Variants in AQP9 observed in about 807,000 individuals in gnomAD.
AQP9 encodes aquaporin-9.
Under a neutral mutation model 23.8 loss-of-function variants are expected in AQP9, and 19 were observed. The ratio of observed to expected loss-of-function variants is 0.80; its 90% CI spans 0.56 to 1.17. The LOEUF is 1.17. AQP9 is among the 50% of genes most tolerant of loss of function. AQP9 has a pLI of 0.00. For missense variants in AQP9, 413 were observed against 362.0 expected (o/e 1.14, Z -1.14); for synonymous variants, 153 against 131.5 (o/e 1.16, Z -1.12).
chr15:58,144,260 G>T (rs562488883), intron 1 of AQP9, among the ~76,000 whole-genome samples: 1 of 151,726 alleles, frequency 6.6e-6, no homozygotes, highest in Non-Finnish European at 1.5e-5. Flanking sequence ...TTAATATTTT[G>T]CTTTTCATAT....
rs1595744058 is a variant in AQP9 at position 58,174,783 on chromosome 15, G to A, written c.377-135G>A. 8 of 721,976 alleles carry A rather than the reference G, an allele frequency of 1.1e-5. No individual in the cohort carries two copies. In the East Asian group the frequency reaches 2.0e-4, roughly 18 times the overall value. 44.7% of individuals were successfully genotyped at this position (721,976 alleles called of 1,614,324 possible). ...GCATCTCTAAAACTATCATTCCTCG[G>A]AAGTAGAGAGAGACAAATGACATGG... On this transcript the variant is annotated intron_variant, in intron 3 of 5. Coordinates refer to ENST00000219919, the MANE Select transcript of AQP9 (RefSeq NM_020980.5).
chr15:58,178,934 T>G (rs1477163304), intron 4 of AQP9, among the ~76,000 whole-genome samples, 194 bp from the exon 5 acceptor site: 1 of 152,206 alleles, frequency 6.6e-6, no homozygotes, highest in Non-Finnish European at 1.5e-5. Context: ...TGGCTTCTCC[T>G]CTAGAATTGC....
At chr15:58,164,413 T>C (rs1013410943) in intron 1 of AQP9, among the ~76,000 whole-genome samples, 2 of 152,244 alleles carry the variant, frequency 1.3e-5, no homozygotes, top group Admixed American at 6.5e-5. Context: ...TTTTAGGAGA[T>C]ACTACTAAAA....
At chr15:58,165,618 T>A (rs1898482791) in intron 1 of AQP9, among the ~76,000 whole-genome samples, 1 of 152,058 alleles carries the variant, frequency 6.6e-6, no homozygotes, top group Non-Finnish European at 1.5e-5. Flanking sequence ...ACCTTGGGGG[T>A]CTTTCCACTT....
At chr15:58,159,649 C>T (rs183032499) in intron 1 of AQP9, among the ~76,000 whole-genome samples, 7 of 152,108 alleles carry the variant, frequency 4.6e-5, no homozygotes, top group Non-Finnish European at 8.8e-5. Context: ...ATTAATCAAC[C>T]TTTCTTCTTT....
intron 1 of AQP9, chr15:58,154,039 C>T (rs1898199622): frequency 6.6e-6 from 1 of 152,158 alleles, no homozygotes; most frequent in Admixed American, 6.5e-5. Flanking sequence ...GCCACTTCGC[C>T]TAAAACTCAC....
Position 58,184,446 on chromosome 15 carries a change from C to T in AQP9, c.*311C>T, listed in dbSNP as rs12899944. On this transcript the variant is annotated 3_prime_UTR_variant, in exon 6 of 6. Coordinates refer to ENST00000219919, the MANE Select transcript of AQP9 (RefSeq NM_020980.5). ...AAGCACTAATAACTCGGCATCTTGA[C>T]GATAGTCCCATTTGGGTGGTTTCAG... 7,738 of 245,098 alleles carry T rather than the reference C, an allele frequency of 0.032. 161 individuals are homozygous for T. The highest frequency in any genetic ancestry group is 0.044 in the Middle Eastern group (36 of 818). The allele number at this position is 245,098 out of a possible 1,614,324, so 15.2% of individuals were successfully genotyped here.
rs749847313 is a variant in AQP9, at chr15:58,184,128, T to C, written c.881T>C (p.Ile294Thr). ...CCAGAGAAATATGAACTCAGTGTCA[T>C]CATGTAGTGGCATGCTCAGCTCTGG... ...DKPEKYELSV[I>T]M The change falls in exon 6 of 6, where the codon ATC (isoleucine) becomes ACC (threonine). Residue 294 changes from isoleucine (I) to threonine (T), a missense_variant. By Grantham distance (89) the Ile-to-Thr change is moderately conservative (BLOSUM62 -1). Transcript: ENST00000219919. The C allele has an allele frequency of 2.1e-5, 34 of 1,613,880 alleles. No homozygotes were observed. The East Asian group carries it at 6.0e-4, about 29-fold the overall frequency.
rs1010150717 is a variant in AQP9 at position 58,184,673 on chromosome 15, A to G, written c.*538A>G. The G allele has an allele frequency of 7.9e-5, 12 of 152,390 alleles. No homozygotes were observed. Among genetic ancestry groups the G allele is most frequent in the African/African-American group, 2.7e-4 (11 of 41,426 alleles). 9.4% of individuals were successfully genotyped at this position (152,390 alleles called of 1,614,324 possible). A position where few individuals can be genotyped will look rare whatever the true frequency, so the allele number is the denominator to read the frequency against. On this transcript the variant is annotated 3_prime_UTR_variant, in exon 6 of 6. Transcript: ENST00000219919. Reference sequence around the variant, plus strand: ...TTTGTATAAATACTGATATTCTCCAAACCTAGTGGTGTAGGGAGCAAGAGA... The same window carrying G: ...TTTGTATAAATACTGATATTCTCCAGACCTAGTGGTGTAGGGAGCAAGAGA...
chr15:58,162,244 G>A (rs771008105), intron 1 of AQP9, among the ~76,000 whole-genome samples: 3 of 152,224 alleles, frequency 2.0e-5, no homozygotes, highest in Non-Finnish European at 4.4e-5. Context: ...CTGGGAGTCC[G>A]AGGAGACGCA....
chr15:58,175,121 C>A, intron 4 of AQP9, 85 bp downstream of exon 4: 1 of 1,208,792 alleles, frequency 8.3e-7, no homozygotes, highest in South Asian at 1.3e-5. Flanking sequence ...AGAGACCAAT[C>A]AGAAAGGAGA....
At chr15:58,173,003 T>TA in intron 2 of AQP9, 65 bp from the exon 3 acceptor site, 1 of 1,597,916 alleles carries the variant, frequency 6.3e-7, no homozygotes, top group Non-Finnish European at 8.6e-7. Flanking sequence ...CTGAGGTCTC[T>TA]AGATGGTTTT....
intron 2 of AQP9, among the ~76,000 whole-genome samples, chr15:58,167,620 A>G (rs1898537158): frequency 6.6e-6 from 1 of 152,224 alleles, no homozygotes; most frequent in Non-Finnish European, 1.5e-5. Flanking sequence ...AAATAAGTGG[A>G]AGCCCTGCAG....
chr15:58,162,258 A>G (rs1898399527), intron 1 of AQP9, among the ~76,000 whole-genome samples: 1 of 152,238 alleles, frequency 6.6e-6, no homozygotes, highest in Non-Finnish European at 1.5e-5. Flanking sequence ...AGACGCAGAG[A>G]TCAAAGATGA....
intron 2 of AQP9, among the ~76,000 whole-genome samples, chr15:58,168,859 G>A (rs1349822340): frequency 6.6e-6 from 1 of 152,176 alleles, no homozygotes; most frequent in Non-Finnish European, 1.5e-5. Context: ...AGGTAATGTA[G>A]GTGTAGCCAT....
intron 1 of AQP9, among the ~76,000 whole-genome samples, chr15:58,163,712 CT>C (rs1182733195): frequency 2.6e-5 from 4 of 152,026 alleles, no homozygotes; most frequent in Non-Finnish European, 5.9e-5. Flanking sequence ...TACGGCAGTT[CT>C]TGAAGGTGAG....
intron 2 of AQP9, among the ~76,000 whole-genome samples, chr15:58,170,446 C>G (rs766742803): frequency 6.6e-6 from 1 of 151,842 alleles, no homozygotes; most frequent in African/African-American, 2.4e-5. Context: ...TGCTCTGTCA[C>G]CAGGCTGGAG....
intron 1 of AQP9, among the ~76,000 whole-genome samples, chr15:58,165,640 G>C (rs1172090338): frequency 6.6e-6 from 1 of 151,940 alleles, no homozygotes; most frequent in East Asian, 1.9e-4. Context: ...GGTATACATG[G>C]ATCTCCTTTA....
chr15:58,147,300 G>A (rs1898064276), intron 1 of AQP9, among the ~76,000 whole-genome samples: 1 of 152,030 alleles, frequency 6.6e-6, no homozygotes, highest in Non-Finnish European at 1.5e-5. Flanking sequence ...TGACGAGAAA[G>A]GAAAACATAC....
Sources: gnomAD v4.1 joint callset for allele counts (sites outside exome capture counted in the v4.1 genomes callset) on GRCh38, gnomAD v4.1.1 for gene constraint, MANE v1.5 for transcripts, NCBI Gene and HGNC (gene_info 2026-07-23, HGNC 2026-07-21) for gene names.